The following MROH9 variants were observed in gnomAD, a reference collection of about 807,000 sequenced individuals.
MROH9 encodes maestro heat like repeat family member 9, also known as maestro heat-like repeat-containing protein family member 9.
A neutral mutation model predicts 98.2 loss-of-function variants in MROH9; 92 were observed. That is an observed-to-expected ratio of 0.94 (90% confidence interval 0.79 to 1.11). The LOEUF is 1.11. Ranked by LOEUF, MROH9 falls within the 50% of genes most tolerant of loss-of-function variation. The pLI is 0.00. For synonymous variants in MROH9, 397 were observed against 368.9 expected (o/e 1.08, Z -0.87); for missense variants, 1,057 against 1,014.8 (o/e 1.04, Z -0.57).
chr1:170,935,917 G>A (rs934464445), intron 1 of MROH9, among the ~76,000 whole-genome samples: 5 of 145,306 alleles, frequency 3.4e-5, no homozygotes, highest in East Asian at 2.0e-4. Flanking sequence ...ACTTGAACTC[G>A]GGAGGTGGAG....
At chr1:170,951,754 G>A (rs1649560759) in intron 3 of MROH9, among the ~76,000 whole-genome samples, 1 of 152,056 alleles carries the variant, frequency 6.6e-6, no homozygotes, top group Non-Finnish European at 1.5e-5. Flanking sequence ...CACAGTCCCA[G>A]CTGCTAAGTC....
chr1:170,989,403 G>A (rs1651266823), intron 10 of MROH9, among the ~76,000 whole-genome samples: 1 of 152,168 alleles, frequency 6.6e-6, no homozygotes, highest in East Asian at 1.9e-4. Flanking sequence ...TTACCATTCT[G>A]GGTCATTCCT....
At chr1:170,989,783 C>T (rs1651280122) in intron 10 of MROH9, 72 bp from the exon 11 acceptor site, 2 of 1,380,864 alleles carry the variant, frequency 1.4e-6, no homozygotes, top group South Asian at 1.5e-5. Context: ...TTCTTATGTC[C>T]AAGAAATGCC....
In MROH9 at chr1:171,016,192, C is replaced by T. The variant is rs750618314; in HGVS notation, c.1764C>T (p.Ala588=). Residue 588 remains alanine (A), a synonymous_variant, in exon 17 of 22, where the codon GCC becomes GCT. Transcript: ENST00000367759. ...AAAATGTCAGCAGTATATTAATAGCCATCCTGGATGCCTTCCTTTCCAAAG... is the reference window on the plus strand; with the variant it reads ...AAAATGTCAGCAGTATATTAATAGCTATCCTGGATGCCTTCCTTTCCAAAG... ...KTENVSSILI[A]ILDAFLSKDD... 10 of 1,527,440 alleles carry T rather than the reference C, an allele frequency of 6.5e-6. No individual in the cohort carries two copies. The highest frequency in any genetic ancestry group is 7.9e-6 in the Non-Finnish European group (9 of 1,136,874). The allele number at this position is 1,527,440 out of a possible 1,614,324, so 94.6% of individuals were successfully genotyped here.
Position 170,971,743 on chromosome 1 carries a change from A to C in MROH9, c.481-5A>C, listed in dbSNP as rs753408391. 2 of 1,613,858 alleles carry C rather than the reference A, an allele frequency of 1.2e-6. No individual in the cohort carries two copies. ...AATGCATGTTCTCCTTTGTTTCTCCATTAGATAAGTGTTGATGCTCCATGT... is the reference window on the plus strand; with the variant it reads ...AATGCATGTTCTCCTTTGTTTCTCCCTTAGATAAGTGTTGATGCTCCATGT... On this transcript the variant is annotated splice_polypyrimidine_tract_variant and splice_region_variant and intron_variant, in intron 7 of 21. Coordinates refer to ENST00000367759, the MANE Select transcript of MROH9 (RefSeq NM_001163629.2).
chr1:171,006,062 C>A (rs1651942778), intron 15 of MROH9, among the ~76,000 whole-genome samples: 2 of 152,146 alleles, frequency 1.3e-5, no homozygotes, highest in African/African-American at 4.8e-5. Flanking sequence ...ACTCAGTGTC[C>A]TTTTATTTCA....
At chr1:170,985,594 T>TA (rs1651102010) in intron 9 of MROH9, among the ~76,000 whole-genome samples, 1 of 152,202 alleles carries the variant, frequency 6.6e-6, no homozygotes, top group Non-Finnish European at 1.5e-5. Context: ...TTTAGATAGA[T>TA]ACTAAATTTC....
At position 171,024,781 on chromosome 1, in the gene MROH9, A is replaced by C. The variant is rs1317917099; in HGVS notation, c.2178+16A>C. 1.4e-6 allele frequency: 2 copies of C among 1,402,492 alleles called. No homozygotes were observed. Among genetic ancestry groups the C allele is most frequent in the Admixed American group, 2.0e-5 (1 of 50,568 alleles). 86.9% of individuals were successfully genotyped at this position (1,402,492 alleles called of 1,614,324 possible). A position where few individuals can be genotyped will look rare whatever the true frequency, so the allele number is the denominator to read the frequency against. On this transcript the variant is annotated intron_variant, in intron 19 of 21. Coordinates refer to ENST00000367759, the MANE Select transcript of MROH9 (RefSeq NM_001163629.2). Reference sequence around the variant, plus strand: ...TAACAATCTTGTAAGTGGCCCTTCCATTTTTACTACTATAAGAGTTGTAGA... The same window carrying C: ...TAACAATCTTGTAAGTGGCCCTTCCCTTTTTACTACTATAAGAGTTGTAGA...
chr1:171,025,764 G>C (rs757778606), intron 20 of MROH9, among the ~76,000 whole-genome samples: 2 of 151,812 alleles, frequency 1.3e-5, no homozygotes, highest in African/African-American at 4.8e-5. Flanking sequence ...CATCATCTTC[G>C]ACCAAACTTG....
At chr1:170,986,208 T>C (rs1474175442) in intron 9 of MROH9, among the ~76,000 whole-genome samples, 2 of 152,194 alleles carry the variant, frequency 1.3e-5, no homozygotes, top group South Asian at 2.1e-4. Context: ...TTCCTCACTC[T>C]GTCCCCTCCT....
chr1:170,956,284 G>T (rs1438345093), intron 3 of MROH9, among the ~76,000 whole-genome samples: 1 of 152,004 alleles, frequency 6.6e-6, no homozygotes, highest in Non-Finnish European at 1.5e-5. Flanking sequence ...GCTTAGCCTT[G>T]CTTTGGCTAT....
rs75133022 is a variant in MROH9, at chr1:170,965,910, C to T, written c.480+655C>T. Among the ~76,000 whole-genome samples, 7 of 152,148 alleles carry T rather than the reference C, an allele frequency of 4.6e-5. No homozygotes were observed. The East Asian group carries it at 1.4e-3, about 29-fold the overall frequency. ...CATCCTATAGACATTTTCATGTCAA[C>T]ATATGTAGATTCATTTTATTATTTT... On this transcript the variant is annotated intron_variant, in intron 7 of 21. Coordinates refer to ENST00000367759, the MANE Select transcript of MROH9 (RefSeq NM_001163629.2).
chr1:171,044,040 T>A (rs1167790953), intron 20 of MROH9, among the ~76,000 whole-genome samples: 1 of 152,200 alleles, frequency 6.6e-6, no homozygotes, highest in Non-Finnish European at 1.5e-5. Context: ...ATTCTTGTCA[T>A]GTTCCAGATT....
At chr1:170,960,297 G>A (rs1649970135) in intron 5 of MROH9, among the ~76,000 whole-genome samples, 1 of 152,160 alleles carries the variant, frequency 6.6e-6, no homozygotes, top group South Asian at 2.1e-4. Context: ...ATATTCCTGA[G>A]TGGCTACCTG....
Position 170,947,557 on chromosome 1 carries a change from T to C in MROH9, c.56T>C (p.Val19Ala). The change falls in exon 3 of 22, where the codon GTG becomes GCG. Residue 19 changes from valine to alanine, a missense_variant. Physicochemically the swap from Val to Ala is moderately conservative, Grantham distance 64 (BLOSUM62 0). Transcript: ENST00000367759. ...KSSLQILQDS[V>A]KWHHMAHKVN... ...AGTCTCCAGATTCTGCAAGACAGTG[T>C]GAAATGGCACCACATGGTAAGTGAT... 1 of 1,610,988 alleles carries C rather than the reference T, an allele frequency of 6.2e-7. No homozygotes were observed. The highest frequency in any genetic ancestry group is 8.5e-7 in the Non-Finnish European group (1 of 1,177,784).
intron 20 of MROH9, among the ~76,000 whole-genome samples, chr1:171,046,905 C>T (rs1283178598): frequency 6.6e-6 from 1 of 152,092 alleles, no homozygotes; most frequent in Non-Finnish European, 1.5e-5. Flanking sequence ...TTTATTTCTC[C>T]TTCATGTTTG....
chr1:170,952,230 C>T (rs1226534858), intron 3 of MROH9, among the ~76,000 whole-genome samples: 1 of 151,844 alleles, frequency 6.6e-6, no homozygotes, highest in Non-Finnish European at 1.5e-5. Flanking sequence ...TACCATTTGA[C>T]CCAGCCATCC....
At chr1:170,949,946 T>C (rs1241013681) in intron 3 of MROH9, among the ~76,000 whole-genome samples, 2 of 152,012 alleles carry the variant, frequency 1.3e-5, no homozygotes, top group African/African-American at 4.8e-5. Context: ...ATTCCAATGA[T>C]AGTAAAAATA....
chr1:170,995,903 G>T (rs1489196232), intron 13 of MROH9, among the ~76,000 whole-genome samples: 1 of 152,022 alleles, frequency 6.6e-6, no homozygotes, highest in Non-Finnish European at 1.5e-5. Flanking sequence ...AACCTCTCAG[G>T]GTTATTATAC....
Sources: allele counts gnomAD v4.1 joint callset (sites outside exome capture counted in the v4.1 genomes callset), GRCh38; gene constraint gnomAD v4.1.1; transcripts MANE v1.5; gene names NCBI Gene and HGNC (gene_info 2026-07-23, HGNC 2026-07-21).